SMG7: variants seen among roughly 807,000 people sequenced by gnomAD.
SMG7 encodes nonsense-mediated mRNA decay factor SMG7.
A neutral mutation model predicts 148.2 loss-of-function variants in SMG7; 34 were observed. The ratio of observed to expected loss-of-function variants is 0.23; its 90% confidence interval spans 0.17 to 0.31. The LOEUF (loss-of-function observed/expected upper bound fraction) is 0.31, where lower values mean the gene tolerates loss of function less well. SMG7 is among the 10% of genes least tolerant of loss of function. The probability of loss-of-function intolerance (pLI) is 1.00; values close to 1 mark genes in which losing one functional copy is unlikely to be tolerated. For synonymous variants in SMG7, 492 were observed against 515.1 expected, an observed-to-expected ratio of 0.96 and a Z score of 0.61; for missense variants, 1,114 against 1,408.4, an observed-to-expected ratio of 0.79 and a Z score of 3.35.
chr1:183,503,575 C>T (rs1557982611), intron 1 of SMG7, among the ~76,000 whole-genome samples: 1 of 152,090 alleles, frequency 6.6e-6, no homozygotes, highest in Admixed American at 6.6e-5. Flanking sequence ...TTTTTTACTA[C>T]AACTTTGAAA....
intron 12 of SMG7, 106 bp downstream of exon 12, chr1:183,538,546 G>T: frequency 1.3e-6 from 1 of 795,338 alleles, no homozygotes. Flanking sequence ...TCCCAGCTGT[G>T]TGTTATTTTT....
chr1:183,518,057 C>T (rs1291183138), intron 4 of SMG7, among the ~76,000 whole-genome samples: 5 of 152,122 alleles, frequency 3.3e-5, no homozygotes, highest in Admixed American at 6.5e-5. Context: ...AAGTGATCCT[C>T]TCACCTCAGC....
At position 183,516,094 on chromosome 1, in the gene SMG7, T is replaced by C. The variant is rs966807369; in HGVS notation, c.179+103T>C. 66 of 730,890 alleles carry C rather than the reference T, an allele frequency of 9.0e-5. No individual in the cohort carries two copies. In the South Asian group the frequency reaches 9.9e-4, roughly 11 times the overall value. 45.3% of individuals were successfully genotyped at this position (730,890 alleles called of 1,614,324 possible). On this transcript the variant is annotated intron_variant, in intron 3 of 22. Coordinates refer to ENST00000688051, the MANE Select transcript of SMG7 (RefSeq NM_001375584.1). ...ATTTATTTTTCAACCTGTTGCAGAA[T>C]AAACTTTTTCAATGGAAAGTAATTC...
intron 6 of SMG7, among the ~76,000 whole-genome samples, chr1:183,528,646 T>C (rs1011796036): frequency 6.6e-6 from 1 of 152,160 alleles, no homozygotes; most frequent in Admixed American, 6.6e-5. Flanking sequence ...ACTGAAATTA[T>C]TTATAATCTA....
intron 10 of SMG7, among the ~76,000 whole-genome samples, chr1:183,536,676 T>C (rs1667849554): frequency 6.6e-6 from 1 of 152,108 alleles, no homozygotes; most frequent in Admixed American, 6.5e-5. Context: ...TTTTGTACCA[T>C]AAAAAAAGAG....
At chr1:183,507,020 G>A (rs997541859) in intron 1 of SMG7, among the ~76,000 whole-genome samples, 10 of 151,420 alleles carry the variant, frequency 6.6e-5, no homozygotes, top group African/African-American at 1.9e-4. Context: ...CTGGGACTAC[G>A]GGTACATGCC....
chr1:183,508,663 T>C lies in SMG7; in HGVS notation c.30-4174T>C, dbSNP rs566083514. Reference sequence around the variant, plus strand: ...GGTGGGAAGATAGAGATTCCTTTTCTTGTGAGGCAGTAACTCTTAGCTTAA... The same window carrying C: ...GGTGGGAAGATAGAGATTCCTTTTCCTGTGAGGCAGTAACTCTTAGCTTAA... On this transcript the variant is annotated intron_variant, in intron 1 of 22. Transcript: ENST00000688051. 6.6e-5 allele frequency among the ~76,000 whole-genome samples: 10 copies of C among 152,346 alleles called. No homozygotes were observed. The South Asian group carries it at 2.1e-3, about 32-fold the overall frequency.
chr1:183,477,600 A>G (rs1249164541), intron 1 of SMG7, among the ~76,000 whole-genome samples: 2 of 126,888 alleles, frequency 1.6e-5, no homozygotes, highest in Admixed American at 1.5e-4. Context: ...GCATATGTGT[A>G]TATATGCATA....
In SMG7 at chr1:183,552,417, A is replaced by G. The variant is rs1420601058; in HGVS notation, c.*486A>G. 5.1e-6 allele frequency: 5 copies of G among 989,990 alleles called. No homozygotes were observed. The highest frequency in any genetic ancestry group is 6.0e-6 in the Non-Finnish European group (5 of 832,628). 61.3% of individuals were successfully genotyped at this position (989,990 alleles called of 1,614,324 possible). A position where few individuals can be genotyped will look rare whatever the true frequency, so the allele number is the denominator to read the frequency against. ...TTTATTATTATTACTCTCAGTAGTA[A>G]AATATCACACTGAATTCTTCCATAC... On this transcript the variant is annotated 3_prime_UTR_variant, in exon 23 of 23. Transcript: ENST00000688051.
intron 1 of SMG7, among the ~76,000 whole-genome samples, chr1:183,504,970 A>C (rs371301876): frequency 6.6e-6 from 1 of 151,848 alleles, no homozygotes; most frequent in African/African-American, 2.4e-5. Flanking sequence ...ATTTCCTTCT[A>C]TCTCTTCCAG....
At chr1:183,539,214 G>A (rs1668346763) in intron 12 of SMG7, among the ~76,000 whole-genome samples, 1 of 151,878 alleles carries the variant, frequency 6.6e-6, no homozygotes, top group African/African-American at 2.4e-5. Context: ...ATCATTTTCA[G>A]CCTACTGTGG....
intron 9 of SMG7, 52 bp from the exon 10 acceptor site, chr1:183,533,624 A>AC: frequency 6.7e-7 from 1 of 1,485,286 alleles, no homozygotes; most frequent in Non-Finnish European, 9.3e-7. Flanking sequence ...TTTAATTTGA[A>AC]CTGGCACAGT....
At chr1:183,526,420 C>T (rs556090796) in intron 4 of SMG7, among the ~76,000 whole-genome samples, 176 bp from the exon 5 acceptor site, 1 of 152,130 alleles carries the variant, frequency 6.6e-6, no homozygotes, top group South Asian at 2.1e-4. Flanking sequence ...TCCTAAAGTG[C>T]TGGGATTATA....
At chr1:183,506,744 A>G (rs1660993532) in intron 1 of SMG7, among the ~76,000 whole-genome samples, 5 of 152,086 alleles carry the variant, frequency 3.3e-5, no homozygotes, top group Non-Finnish European at 5.9e-5. Flanking sequence ...TGAGTTTAGA[A>G]GATGTTGAGT....
intron 1 of SMG7, among the ~76,000 whole-genome samples, chr1:183,494,836 G>A (rs532323560): frequency 2.3e-4 from 29 of 125,184 alleles, no homozygotes; most frequent in South Asian, 7.9e-4. Flanking sequence ...GTGCAATCTC[G>A]GCTCACCACA....
chr1:183,553,180 G>C lies in SMG7; in HGVS notation c.*1249G>C. 1 of 1,535,926 alleles carries C rather than the reference G, an allele frequency of 6.5e-7. No individual in the cohort carries two copies. The highest frequency in any genetic ancestry group is 8.7e-7 in the Non-Finnish European group (1 of 1,146,508). ...AAACACGACGTCGTCCATTTTGGAA[G>C]AGACGAAAGAAAGGAAAATAAACTC... On this transcript the variant is annotated 3_prime_UTR_variant, in exon 23 of 23. Coordinates refer to ENST00000688051, the MANE Select transcript of SMG7 (RefSeq NM_001375584.1).
intron 4 of SMG7, among the ~76,000 whole-genome samples, chr1:183,520,116 G>T (rs1664449657): frequency 6.6e-6 from 1 of 151,542 alleles, no homozygotes; most frequent in Admixed American, 6.6e-5. Context: ...GAAACAAATA[G>T]ATATTATAAT....
intron 13 of SMG7, among the ~76,000 whole-genome samples, chr1:183,541,766 A>G (rs1668909983): frequency 6.6e-6 from 1 of 152,246 alleles, no homozygotes; most frequent in Non-Finnish European, 1.5e-5. Flanking sequence ...TAGGAATTAT[A>G]TATAGCTACC....
At chr1:183,543,898 C>G (rs1401805179) in intron 14 of SMG7, among the ~76,000 whole-genome samples, 1 of 152,152 alleles carries the variant, frequency 6.6e-6, no homozygotes, top group Admixed American at 6.5e-5. Context: ...TATGGCTACC[C>G]AGATGAAATC....
Sources: gnomAD v4.1 joint callset for allele counts (sites outside exome capture counted in the v4.1 genomes callset) on GRCh38, gnomAD v4.1.1 for gene constraint, MANE v1.5 for transcripts, NCBI Gene and HGNC (gene_info 2026-07-23, HGNC 2026-07-21) for gene names.